Variants in CNTNAP4 observed in about 807,000 individuals in gnomAD.
The protein encoded by CNTNAP4 is contactin associated protein family member 4, also known as contactin-associated protein-like 4.
CNTNAP4 carries 98 observed loss-of-function variants against 148.4 expected under a neutral mutation model. That is an observed-to-expected ratio of 0.66 (90% confidence interval 0.56 to 0.78). The LOEUF is 0.78. Among genes scored for constraint, CNTNAP4 ranks in the 30% least tolerant of loss-of-function variants. The pLI is 0.00. For missense variants in CNTNAP4, 1,935 were observed against 1,565.6 expected (o/e 1.24, Z -3.98); for synonymous variants, 730 against 565.1 (o/e 1.29, Z -4.14).
chr16:76,319,260 T>A (rs1226290374), intron 2 of CNTNAP4, among the ~76,000 whole-genome samples: 1 of 151,968 alleles, frequency 6.6e-6, no homozygotes, highest in Non-Finnish European at 1.5e-5. Flanking sequence ...GGCATGGTGG[T>A]GTACACCCGC....
chr16:76,337,399 A>G (rs1964110253), intron 2 of CNTNAP4, among the ~76,000 whole-genome samples: 1 of 152,214 alleles, frequency 6.6e-6, no homozygotes, highest in Non-Finnish European at 1.5e-5. Flanking sequence ...GTGACATCAC[A>G]TATCGACAGG....
At chr16:76,335,894 T>C (rs1326669862) in intron 2 of CNTNAP4, among the ~76,000 whole-genome samples, 1 of 152,106 alleles carries the variant, frequency 6.6e-6, no homozygotes, top group Non-Finnish European at 1.5e-5. Flanking sequence ...AGTACATCCT[T>C]AACCTGAAAC....
At chr16:76,397,244 G>T (rs972540865) in intron 3 of CNTNAP4, among the ~76,000 whole-genome samples, 3 of 152,006 alleles carry the variant, frequency 2.0e-5, no homozygotes. Context: ...ATTATGCTGG[G>T]GTGGGGGTTG....
intron 8 of CNTNAP4, among the ~76,000 whole-genome samples, chr16:76,456,339 G>A (rs1441982190): frequency 1.3e-5 from 2 of 152,208 alleles, no homozygotes; most frequent in Non-Finnish European, 2.9e-5. Flanking sequence ...CACGAAGTGA[G>A]GGTAATTCTA....
intron 1 of CNTNAP4, among the ~76,000 whole-genome samples, chr16:76,288,470 C>G (rs1294192605): frequency 6.6e-6 from 1 of 152,100 alleles, no homozygotes; most frequent in African/African-American, 2.4e-5. Flanking sequence ...CCCTCAAATA[C>G]TTCACTCTAA....
chr16:76,299,139 T>C (rs911413576), intron 1 of CNTNAP4, among the ~76,000 whole-genome samples: 130 of 152,248 alleles, frequency 8.5e-4, no homozygotes, highest in African/African-American at 3.0e-3. Context: ...AAAGCCAGAA[T>C]TGACAAATGG....
intron 3 of CNTNAP4, among the ~76,000 whole-genome samples, chr16:76,365,887 A>G (rs1482414607): frequency 2.0e-5 from 3 of 152,122 alleles, no homozygotes; most frequent in Non-Finnish European, 4.4e-5. Context: ...AACTACATGG[A>G]CAATGTAAAA....
intron 2 of CNTNAP4, among the ~76,000 whole-genome samples, chr16:76,327,528 CACTT>C (rs1450858916): frequency 1.3e-5 from 2 of 152,106 alleles, no homozygotes; most frequent in Non-Finnish European, 2.9e-5. Context: ...TTTTGTATGA[CACTT>C]ACATCCTCTA....
chr16:76,371,104 A>G (rs558746191), intron 3 of CNTNAP4, among the ~76,000 whole-genome samples: 1 of 152,248 alleles, frequency 6.6e-6, no homozygotes, highest in Admixed American at 6.5e-5. Context: ...TTATCGATTC[A>G]ATTCTTTATT....
intron 1 of CNTNAP4, among the ~76,000 whole-genome samples, chr16:76,314,091 G>A (rs1360382691): frequency 6.6e-6 from 1 of 152,160 alleles, no homozygotes; most frequent in Non-Finnish European, 1.5e-5. Flanking sequence ...AGCAATATAT[G>A]TGATACACAT....
At chr16:76,510,076 A>G (rs2082952086) in intron 15 of CNTNAP4, among the ~76,000 whole-genome samples, 1 of 41,446 alleles carries the variant, frequency 2.4e-5, no homozygotes, top group Non-Finnish European at 1.6e-4. Context: ...AACCATCACC[A>G]TAATCATTTT....
intron 2 of CNTNAP4, among the ~76,000 whole-genome samples, chr16:76,346,598 A>T (rs1356388878): frequency 6.6e-6 from 1 of 152,210 alleles, no homozygotes; most frequent in East Asian, 1.9e-4. Flanking sequence ...TAATGGGCTT[A>T]GAAAGCAAAA....
chr16:76,418,403 ATATT>A (rs1052029669), intron 3 of CNTNAP4, among the ~76,000 whole-genome samples: 2 of 106,622 alleles, frequency 1.9e-5, no homozygotes, highest in African/African-American at 6.6e-5. Flanking sequence ...TTATATATAT[ATATT>A]TTTATTATAC....
chr16:76,347,935 G>T (rs183755855), intron 2 of CNTNAP4, among the ~76,000 whole-genome samples: 1 of 152,256 alleles, frequency 6.6e-6, no homozygotes, highest in East Asian at 1.9e-4. Context: ...TTGCAGTATT[G>T]CAGTATTTTG....
intron 3 of CNTNAP4, among the ~76,000 whole-genome samples, chr16:76,411,048 A>G (rs1227388657): frequency 1.3e-5 from 2 of 151,438 alleles, no homozygotes; most frequent in African/African-American, 4.8e-5. Flanking sequence ...CCATACATAC[A>G]CTAGTATCAT....
At chr16:76,346,977 G>GAACTAAAACTAAAACTAAA (rs1321187355) in intron 2 of CNTNAP4, among the ~76,000 whole-genome samples, 16 of 152,188 alleles carry the variant, frequency 1.1e-4, no homozygotes, top group Non-Finnish European at 2.1e-4. Context: ...TAAAACAGAA[G>GAACTAAAACTAAAACTAAA]ACAATTTAGT....
intron 3 of CNTNAP4, among the ~76,000 whole-genome samples, chr16:76,374,159 T>G (rs2015168443): frequency 6.6e-6 from 1 of 152,202 alleles, no homozygotes; most frequent in Non-Finnish European, 1.5e-5. Context: ...AATAGGATTC[T>G]TTTTCAGTAA....
intron 1 of CNTNAP4, among the ~76,000 whole-genome samples, chr16:76,310,940 G>A (rs1336806492): frequency 6.6e-6 from 1 of 151,930 alleles, no homozygotes; most frequent in Non-Finnish European, 1.5e-5. Context: ...TAGGTAAATT[G>A]TTTAATTTTC....
intron 3 of CNTNAP4, among the ~76,000 whole-genome samples, chr16:76,419,810 A>G (rs995465633): frequency 4.6e-5 from 7 of 151,992 alleles, no homozygotes; most frequent in African/African-American, 1.7e-4. Flanking sequence ...TTAGGGTCCT[A>G]TTTGTGGTTT....
Sources: gnomAD v4.1 joint callset for allele counts (sites outside exome capture counted in the v4.1 genomes callset) on GRCh38, gnomAD v4.1.1 for gene constraint, MANE v1.5 for transcripts, NCBI Gene and HGNC (gene_info 2026-07-23, HGNC 2026-07-21) for gene names.